RUNX2: variants seen among roughly 807,000 people sequenced by gnomAD.
The protein encoded by RUNX2 is runt-related transcription factor 2.
In RUNX2, 10 loss-of-function variants were observed where a neutral mutation model predicts 51.7. The observed-to-expected ratio is 0.19, with a 90% confidence interval of 0.12 to 0.33. The LOEUF (loss-of-function observed/expected upper bound fraction) is 0.33, where lower values mean the gene tolerates loss of function less well. RUNX2 is among the 10% of genes least tolerant of loss of function. RUNX2 has a pLI of 1.00. For missense variants in RUNX2, 562 were observed against 691.3 expected (o/e 0.81, Z 2.10); for synonymous variants, 276 against 273.6 (o/e 1.01, Z -0.09).
chr6:45,328,997 T>C (rs1786919085), intron 2 of RUNX2, among the ~76,000 whole-genome samples: 1 of 152,116 alleles, frequency 6.6e-6, no homozygotes, highest in South Asian at 2.1e-4. Context: ...ACTTGAAATA[T>C]ACAAAATTAA....
chr6:45,482,974 A>G (rs1800158335), intron 5 of RUNX2, among the ~76,000 whole-genome samples: 1 of 152,176 alleles, frequency 6.6e-6, no homozygotes, highest in Non-Finnish European at 1.5e-5. Flanking sequence ...TGGTTTATGT[A>G]TTAAGAAGGG....
intron 6 of RUNX2, among the ~76,000 whole-genome samples, chr6:45,504,336 G>A (rs960113921): frequency 3.3e-5 from 5 of 152,324 alleles, no homozygotes; most frequent in Admixed American, 2.6e-4. Flanking sequence ...TAGCATCATA[G>A]CATTTTGTAT....
At chr6:45,434,427 G>A (rs958050628) in intron 4 of RUNX2, among the ~76,000 whole-genome samples, 4 of 151,846 alleles carry the variant, frequency 2.6e-5, no homozygotes, top group African/African-American at 9.7e-5. Flanking sequence ...AAAACACCAA[G>A]TTCCTCAAAT....
chr6:45,356,281 T>C (rs753482145), intron 2 of RUNX2, among the ~76,000 whole-genome samples: 10 of 152,118 alleles, frequency 6.6e-5, no homozygotes, highest in Non-Finnish European at 1.3e-4. Flanking sequence ...GGCATACTCA[T>C]TTGAATATAT....
chr6:45,394,348 A>G (rs940168843), intron 2 of RUNX2, among the ~76,000 whole-genome samples: 4 of 152,130 alleles, frequency 2.6e-5, no homozygotes, highest in African/African-American at 9.7e-5. Context: ...AACACTGAGG[A>G]TTATATTTCA....
rs753959196 is a variant in RUNX2 at position 45,512,454 on chromosome 6, G to A, written c.1021+47G>A. ...AAAATCCATCCCTGCACAGGGGTCG[G>A]GGGGAGTGGGATGGGCTGAGCCTGT... On this transcript the variant is annotated intron_variant, in intron 7 of 8. Coordinates refer to ENST00000647337, the MANE Select transcript of RUNX2 (RefSeq NM_001024630.4). The A allele has an allele frequency of 7.9e-5, 126 of 1,601,866 alleles. 1 individual carries two copies. Among genetic ancestry groups the A allele is most frequent in the Non-Finnish European group, 1.1e-4 (125 of 1,172,528 alleles).
At chr6:45,436,481 T>C (rs1402616389) in intron 4 of RUNX2, among the ~76,000 whole-genome samples, 1 of 152,154 alleles carries the variant, frequency 6.6e-6, no homozygotes, top group Admixed American at 6.5e-5. Context: ...GTGTATGAAG[T>C]GGCACTTAAT....
chr6:45,457,361 G>T (rs913719056), intron 5 of RUNX2, among the ~76,000 whole-genome samples: 7 of 152,166 alleles, frequency 4.6e-5, no homozygotes, highest in Non-Finnish European at 2.9e-5. Context: ...GAATCAGCAG[G>T]TAAGGTAGTT....
intron 2 of RUNX2, among the ~76,000 whole-genome samples, chr6:45,420,899 A>G (rs1249893835): frequency 6.6e-6 from 1 of 152,202 alleles, no homozygotes; most frequent in Non-Finnish European, 1.5e-5. Flanking sequence ...TCGTGTCTAT[A>G]TAAACCACAA....
intron 5 of RUNX2, among the ~76,000 whole-genome samples, chr6:45,482,839 G>A (rs553821911): frequency 2.6e-5 from 4 of 152,316 alleles, no homozygotes; most frequent in Admixed American, 6.5e-5. Flanking sequence ...TGTCTTGGGT[G>A]AAATTGTTCT....
chr6:45,336,927 C>T (rs1788683889), intron 2 of RUNX2, among the ~76,000 whole-genome samples: 1 of 151,510 alleles, frequency 6.6e-6, no homozygotes, highest in Admixed American at 6.6e-5. Context: ...AATGGCCTTA[C>T]TCATTATTAT....
chr6:45,492,207 G>A, intron 6 of RUNX2, 93 bp downstream of exon 6: 1 of 1,199,844 alleles, frequency 8.3e-7, no homozygotes, highest in Middle Eastern at 2.1e-4. Flanking sequence ...AAAACTCCTG[G>A]AGCTGTGAAG....
intron 2 of RUNX2, among the ~76,000 whole-genome samples, chr6:45,405,080 T>C (rs932264742): frequency 1.3e-5 from 2 of 152,220 alleles, no homozygotes; most frequent in East Asian, 3.8e-4. Context: ...TTTAGAATGT[T>C]TTCCTTTTCA....
chr6:45,329,486 A>G (rs1787021862), intron 2 of RUNX2, among the ~76,000 whole-genome samples: 1 of 151,932 alleles, frequency 6.6e-6, no homozygotes, highest in African/African-American at 2.4e-5. Flanking sequence ...ACTTACATGC[A>G]ACTGCATTTT....
At chr6:45,424,447 G>A (rs150748558) in intron 3 of RUNX2, among the ~76,000 whole-genome samples, 74 of 152,282 alleles carry the variant, frequency 4.9e-4, no homozygotes, top group African/African-American at 1.7e-3. Flanking sequence ...AGGTGCTTTG[G>A]GCCCTTGCTA....
intron 2 of RUNX2, among the ~76,000 whole-genome samples, chr6:45,378,138 C>T (rs1797083761): frequency 6.6e-6 from 1 of 152,212 alleles, no homozygotes; most frequent in South Asian, 2.1e-4. Context: ...TGTGCGCGGC[C>T]TTCAGGGCCC....
chr6:45,494,858 A>G (rs1188561929), intron 6 of RUNX2, among the ~76,000 whole-genome samples: 1 of 152,192 alleles, frequency 6.6e-6, no homozygotes, highest in Non-Finnish European at 1.5e-5. Context: ...GGTGTTAGGT[A>G]ATATGGAGAG....
At chr6:45,511,514 T>C (rs1307793548) in intron 6 of RUNX2, among the ~76,000 whole-genome samples, 1 of 152,214 alleles carries the variant, frequency 6.6e-6, no homozygotes, top group Non-Finnish European at 1.5e-5. Context: ...TTCTTAATGG[T>C]AGTTGACTTT....
intron 2 of RUNX2, among the ~76,000 whole-genome samples, chr6:45,394,071 C>T (rs555886201): frequency 1.3e-5 from 2 of 151,986 alleles, no homozygotes; most frequent in South Asian, 4.2e-4. Flanking sequence ...CACCACCATG[C>T]CCAGCTAATT....
Sources: allele counts gnomAD v4.1 joint callset (sites outside exome capture counted in the v4.1 genomes callset), GRCh38; gene constraint gnomAD v4.1.1; transcripts MANE v1.5; gene names NCBI Gene and HGNC (gene_info 2026-07-23, HGNC 2026-07-21).